GRIN2A: variants seen among roughly 807,000 people sequenced by gnomAD.
GRIN2A encodes glutamate ionotropic receptor NMDA type subunit 2A, also known as glutamate receptor ionotropic, NMDA 2A.
A neutral mutation model predicts 113.4 loss-of-function variants in GRIN2A; 22 were observed. The ratio of observed to expected loss-of-function variants is 0.19; its 90% CI spans 0.14 to 0.28. The LOEUF is 0.28. Among genes scored for constraint, GRIN2A ranks in the 10% least tolerant of loss-of-function variants. The pLI is 1.00. For missense variants in GRIN2A, 1,502 were observed against 1,887.0 expected (o/e 0.80, Z 3.78); for synonymous variants, 827 against 738.4 (o/e 1.12, Z -1.94).
At chr16:9,836,429 A>T (rs1473685470) in intron 7 of GRIN2A, among the ~76,000 whole-genome samples, 3 of 152,196 alleles carry the variant, frequency 2.0e-5, no homozygotes, top group Non-Finnish European at 4.4e-5. Flanking sequence ...ATTAGAAGGG[A>T]CCATAACTGA....
At position 9,786,278 on chromosome 16, in the gene GRIN2A, A is replaced by G. The variant is rs185926903; in HGVS notation, c.2356+11999T>C. ...CGAGGCCAAACATCTGACTTCTCTT[A>G]ATTACATTCTGTCCTTGTTTCATTC... On this transcript the variant is annotated intron_variant, in intron 11 of 12. Coordinates refer to ENST00000330684, the MANE Select transcript of GRIN2A (RefSeq NM_001134407.3). Among the ~76,000 whole-genome samples, 443 of 152,260 alleles carry G rather than the reference A, an allele frequency of 2.9e-3. 2 individuals are homozygous for G. The highest frequency in any genetic ancestry group is 4.8e-3 in the South Asian group (23 of 4,822).
At chr16:10,157,124 G>A (rs1232959320) in intron 2 of GRIN2A, among the ~76,000 whole-genome samples, 1 of 152,120 alleles carries the variant, frequency 6.6e-6, no homozygotes, top group Non-Finnish European at 1.5e-5. Flanking sequence ...TCCCGTATAA[G>A]CAGGAAACTC....
intron 2 of GRIN2A, among the ~76,000 whole-genome samples, chr16:9,992,969 G>A (rs892182123): frequency 3.9e-5 from 6 of 151,946 alleles, no homozygotes; most frequent in South Asian, 2.1e-4. Context: ...TAATCCCAGC[G>A]CTTTGGGAGG....
intron 2 of GRIN2A, among the ~76,000 whole-genome samples, chr16:10,086,066 A>G (rs1177401381): frequency 6.6e-6 from 1 of 152,100 alleles, no homozygotes; most frequent in Non-Finnish European, 1.5e-5. Flanking sequence ...ATGAAGCAAA[A>G]TCCTATGTCC....
In GRIN2A at chr16:9,757,987, C is replaced by G. The variant is rs979097236; in HGVS notation, c.*5162G>C. On this transcript the variant is annotated 3_prime_UTR_variant, in exon 13 of 13. Transcript: ENST00000330684. ...AAAGAAACCTAGAAATAAGTCAGCC[C>G]GGTCAGAGAATCGAGCCAGAAATTG... 2 of 218,480 alleles carry G rather than the reference C, an allele frequency of 9.2e-6. No individual in the cohort carries two copies. The highest frequency in any genetic ancestry group is 1.8e-5 in the Non-Finnish European group (2 of 108,752). 13.5% of individuals were successfully genotyped at this position (218,480 alleles called of 1,614,324 possible).
chr16:9,802,357 A>G (rs889189245), intron 10 of GRIN2A, among the ~76,000 whole-genome samples: 1 of 152,226 alleles, frequency 6.6e-6, no homozygotes, highest in African/African-American at 2.4e-5. Context: ...CTATGCAGCC[A>G]TGACAAAGAA....
intron 2 of GRIN2A, among the ~76,000 whole-genome samples, chr16:10,152,993 A>G (rs1409456512): frequency 1.3e-5 from 2 of 152,222 alleles, no homozygotes; most frequent in African/African-American, 4.8e-5. Flanking sequence ...ATTACTCTGT[A>G]TGTCACTATA....
chr16:9,764,616 A>T lies in GRIN2A; in HGVS notation c.2928T>A (p.Asn976Lys), dbSNP rs1445070010. The change falls in exon 13 of 13, where the codon AAT becomes AAA. Residue 976 changes from asparagine to lysine, a missense_variant. Physicochemically the swap from Asn to Lys is moderately conservative, Grantham distance 94. Transcript: ENST00000330684. The stretch of plus-strand genomic sequence containing the variant: ...GATGTTGTCCCTGGAATACATAGTT[A>T]TTGAGGTTATCCTTCTGCCGGTTGG... ...FVANRQKDNL[N>K]NYVFQGQHPL... 6 of 1,613,974 alleles carry T rather than the reference A, an allele frequency of 3.7e-6. No individual in the cohort carries two copies. The highest frequency in any genetic ancestry group is 2.7e-5 in the African/African-American group (2 of 74,906).
At chr16:9,797,936 C>T (rs890039426) in intron 11 of GRIN2A, among the ~76,000 whole-genome samples, 5 of 152,104 alleles carry the variant, frequency 3.3e-5, no homozygotes, top group Non-Finnish European at 5.9e-5. Context: ...TGCCCTTCAC[C>T]CTTTGAGAAC....
At chr16:10,036,342 A>T (rs1386152179) in intron 2 of GRIN2A, among the ~76,000 whole-genome samples, 1 of 145,664 alleles carries the variant, frequency 6.9e-6, no homozygotes, top group Non-Finnish European at 1.5e-5. Context: ...AGGACAATCT[A>T]TTTCATGCCT....
chr16:9,794,130 C>G (rs574371527), intron 11 of GRIN2A, among the ~76,000 whole-genome samples: 31 of 152,276 alleles, frequency 2.0e-4, no homozygotes, highest in African/African-American at 6.7e-4. Context: ...TTTAGAAAGA[C>G]CACAGACAAT....
chr16:9,941,598 A>C (rs2044878058), intron 2 of GRIN2A, among the ~76,000 whole-genome samples: 1 of 152,194 alleles, frequency 6.6e-6, no homozygotes, highest in Non-Finnish European at 1.5e-5. Flanking sequence ...GCCTCTCTGC[A>C]GAAAATGGAG....
intron 4 of GRIN2A, among the ~76,000 whole-genome samples, chr16:9,883,740 G>A (rs952793835): frequency 6.6e-6 from 1 of 152,234 alleles, no homozygotes; most frequent in Non-Finnish European, 1.5e-5. Flanking sequence ...CTGTAGGCAA[G>A]TCTGGAGGCC....
chr16:9,912,340 C>T (rs756273948), intron 3 of GRIN2A, among the ~76,000 whole-genome samples: 3 of 151,880 alleles, frequency 2.0e-5, no homozygotes, highest in Admixed American at 6.6e-5. Flanking sequence ...ATGATGATGA[C>T]GATGATACCA....
At chr16:9,823,140 A>T (rs1204036622) in intron 9 of GRIN2A, among the ~76,000 whole-genome samples, 5 of 152,178 alleles carry the variant, frequency 3.3e-5, no homozygotes, top group Non-Finnish European at 7.3e-5. Context: ...TCCATGCATC[A>T]CCAGTCTTCT....
At chr16:9,866,191 C>T (rs2043157746) in intron 4 of GRIN2A, among the ~76,000 whole-genome samples, 1 of 152,152 alleles carries the variant, frequency 6.6e-6, no homozygotes, top group Non-Finnish European at 1.5e-5. Context: ...AAAATGCTAA[C>T]AGCCAAAGGG....
rs533820777 is a variant in GRIN2A, at chr16:9,932,474, C to T, written c.1007+5485G>A. ...CACTGCAACCTCCACCTCCCAGGTT[C>T]AAGTGATTCTCCTGCCTCAGCTTCC... On this transcript the variant is annotated intron_variant, in intron 3 of 12. Transcript: ENST00000330684. Among the ~76,000 whole-genome samples, 5 of 152,210 alleles carry T rather than the reference C, an allele frequency of 3.3e-5. No individual in the cohort carries two copies. The East Asian group carries it at 7.7e-4, about 23-fold the overall frequency.
chr16:10,024,959 T>A (rs1352345810), intron 2 of GRIN2A, among the ~76,000 whole-genome samples: 3 of 151,894 alleles, frequency 2.0e-5, no homozygotes, highest in Non-Finnish European at 4.4e-5. Context: ...ATGAATTTTT[T>A]AAAAAAAGCA....
At chr16:9,996,047 A>G (rs897449861) in intron 2 of GRIN2A, among the ~76,000 whole-genome samples, 4 of 148,830 alleles carry the variant, frequency 2.7e-5, no homozygotes, top group Admixed American at 6.7e-5. Flanking sequence ...AAAAAAAAAA[A>G]AAAAAGAAAG....
Sources: gnomAD v4.1 joint callset for allele counts (sites outside exome capture counted in the v4.1 genomes callset) on GRCh38, gnomAD v4.1.1 for gene constraint, MANE v1.5 for transcripts, NCBI Gene and HGNC (gene_info 2026-07-23, HGNC 2026-07-21) for gene names.